The following AKT3 variants were observed in gnomAD, a reference collection of about 807,000 sequenced individuals.
AKT3 encodes RAC-gamma serine/threonine-protein kinase.
AKT3 carries 15 observed loss-of-function variants against 65.3 expected under a neutral mutation model. That is an observed-to-expected ratio of 0.23 (90% CI 0.15 to 0.35). The LOEUF (loss-of-function observed/expected upper bound fraction) is 0.35. AKT3 is among the 10% of genes least tolerant of loss of function. The probability of loss-of-function intolerance (pLI) is 1.00; values close to 1 mark genes in which losing one functional copy is unlikely to be tolerated. For missense variants in AKT3, 243 were observed against 576.5 expected, an observed-to-expected ratio of 0.42 and a Z score of 5.92; for synonymous variants, 206 against 183.8, an observed-to-expected ratio of 1.12 and a Z score of -0.98.
intron 4 of AKT3, among the ~76,000 whole-genome samples, chr1:243,652,921 T>C (rs1382727158): frequency 4.0e-5 from 6 of 151,784 alleles, no homozygotes; most frequent in South Asian, 4.2e-4. Context: ...ATCCTAAATA[T>C]AGACGCATCC....
At chr1:243,613,142 CATAT>C (rs1163776691) in intron 8 of AKT3, 4 of 139,226 alleles carry the variant, frequency 2.9e-5, no homozygotes, top group Non-Finnish European at 6.1e-5. Context: ...TATATACATA[CATAT>C]ATATACACAT....
chr1:243,763,707 T>C (rs1572300607), intron 2 of AKT3, among the ~76,000 whole-genome samples: 2 of 152,128 alleles, frequency 1.3e-5, no homozygotes, highest in Non-Finnish European at 2.9e-5. Context: ...ACCTCATAAC[T>C]GCATATAATT....
chr1:243,685,165 C>T (rs1177327617), intron 3 of AKT3, among the ~76,000 whole-genome samples: 2 of 152,102 alleles, frequency 1.3e-5, no homozygotes, highest in East Asian at 1.9e-4. Flanking sequence ...AATTAAATCC[C>T]GTTTGTCAAT....
At chr1:243,662,568 A>T (rs1255285049) in intron 4 of AKT3, among the ~76,000 whole-genome samples, 2 of 57,362 alleles carry the variant, frequency 3.5e-5, no homozygotes, top group Admixed American at 2.8e-4. Context: ...GGGTGGGGGG[A>T]GGGGGGAGGG....
At chr1:243,829,865 G>A (rs1558852502) in intron 2 of AKT3, among the ~76,000 whole-genome samples, 1 of 152,164 alleles carries the variant, frequency 6.6e-6, no homozygotes, top group East Asian at 1.9e-4. Flanking sequence ...AGTGGCTACA[G>A]CCTTTAATCG....
chr1:243,556,146 G>A (rs1237895825), intron 10 of AKT3, among the ~76,000 whole-genome samples: 2 of 152,022 alleles, frequency 1.3e-5, no homozygotes, highest in Non-Finnish European at 2.9e-5. Context: ...TTTATGATAC[G>A]ATAAAACCTA....
intron 12 of AKT3, among the ~76,000 whole-genome samples, chr1:243,525,507 T>C (rs923204249): frequency 1.3e-5 from 2 of 151,522 alleles, no homozygotes; most frequent in East Asian, 2.0e-4. Flanking sequence ...AAGTAAAATA[T>C]GTTCATGAGT....
intron 2 of AKT3, among the ~76,000 whole-genome samples, chr1:243,755,519 T>A (rs2148224206): frequency 6.6e-6 from 1 of 152,284 alleles, no homozygotes; most frequent in East Asian, 1.9e-4. Context: ...ACTGATAGAT[T>A]CACTGATAAG....
chr1:243,701,801 C>T (rs944194928), intron 2 of AKT3, among the ~76,000 whole-genome samples: 1 of 151,964 alleles, frequency 6.6e-6, no homozygotes, highest in African/African-American at 2.4e-5. Context: ...CAAAGCTAAT[C>T]ACTGCATAAG....
rs147731901 is a variant in AKT3, at chr1:243,541,306, G to A, written c.1251+4204C>T. On this transcript the variant is annotated intron_variant, in intron 12 of 13. Transcript: ENST00000673466. ...ATCAATCACTTATTTATGCAATATA[G>A]ACTCATGATTACATATTTCATCCTT... 6.3e-3 allele frequency among the ~76,000 whole-genome samples: 965 copies of A among 152,194 alleles called. 7 individuals are homozygous for A. Among genetic ancestry groups the A allele is most frequent in the Middle Eastern group, 0.014 (4 of 294 alleles).
intron 8 of AKT3, among the ~76,000 whole-genome samples, chr1:243,601,454 T>A (rs1370772615): frequency 2.0e-5 from 3 of 152,116 alleles, no homozygotes; most frequent in African/African-American, 4.8e-5. Context: ...TGTGGTGATG[T>A]TGTCAAGTAA....
chr1:243,721,487 T>G (rs1319776991), intron 2 of AKT3, among the ~76,000 whole-genome samples: 1 of 152,210 alleles, frequency 6.6e-6, no homozygotes, highest in Non-Finnish European at 1.5e-5. Flanking sequence ...CTCTGAAGGC[T>G]CCTGTGTCAT....
chr1:243,800,594 T>C (rs4658592), intron 2 of AKT3, among the ~76,000 whole-genome samples: 76,222 of 151,866 alleles, frequency 0.5, 23,409 homozygotes, highest in Non-Finnish European at 0.68. Flanking sequence ...GGCGCACACC[T>C]GTAGTCCCAG....
At chr1:243,644,549 A>G (rs959099434) in intron 5 of AKT3, among the ~76,000 whole-genome samples, 1 of 152,190 alleles carries the variant, frequency 6.6e-6, no homozygotes, top group African/African-American at 2.4e-5. Context: ...AAAAATGTTT[A>G]AAGTGTTTAT....
At chr1:243,659,347 A>G (rs760361694) in intron 4 of AKT3, among the ~76,000 whole-genome samples, 2 of 152,202 alleles carry the variant, frequency 1.3e-5, no homozygotes, top group Non-Finnish European at 1.5e-5. Flanking sequence ...CTGCTGTACA[A>G]TAATATGCAC....
intron 2 of AKT3, among the ~76,000 whole-genome samples, chr1:243,750,784 G>T (rs182518196): frequency 2.0e-5 from 3 of 152,092 alleles, no homozygotes; most frequent in Admixed American, 1.3e-4. Context: ...GTTTCACTGT[G>T]TTGGCCAGGC....
intron 6 of AKT3, among the ~76,000 whole-genome samples, chr1:243,621,305 G>GT (rs1187396442): frequency 6.6e-6 from 1 of 152,140 alleles, no homozygotes; most frequent in African/African-American, 2.4e-5. Flanking sequence ...AGCCATAAAC[G>GT]TAACATTTAA....
At chr1:243,712,315 T>C (rs1202330717) in intron 2 of AKT3, among the ~76,000 whole-genome samples, 1 of 152,172 alleles carries the variant, frequency 6.6e-6, no homozygotes, top group African/African-American at 2.4e-5. Context: ...AGAGAAAGTT[T>C]TTTCTAGATA....
chr1:243,527,914 CACACACACACACACACACACACAGAG>C lies in AKT3; in HGVS notation c.1252-15514_1252-15489del, dbSNP rs1419625942. On this transcript the variant is annotated intron_variant, in intron 12 of 13. Transcript: ENST00000673466. ...ACACACACACACACACACACACACA[CACACACACACACACACACACACAGAG>C]AGAGAGAGAGAGAGAGAGAATTTGA... 2.9e-3 allele frequency among the ~76,000 whole-genome samples: 279 copies of C among 97,366 alleles called. 4 individuals carry two copies. Among genetic ancestry groups the C allele is most frequent in the African/African-American group, 6.1e-3 (124 of 20,264 alleles). The allele number at this position is 97,366 out of a possible 152,430, so 63.9% of individuals were successfully genotyped here. A position where few individuals can be genotyped will look rare whatever the true frequency, so the allele number is the denominator to read the frequency against.
Sources: gnomAD v4.1 joint callset for allele counts (sites outside exome capture counted in the v4.1 genomes callset) on GRCh38, gnomAD v4.1.1 for gene constraint, MANE v1.5 for transcripts, NCBI Gene and HGNC (gene_info 2026-07-23, HGNC 2026-07-21) for gene names.